The following TMPO variants were observed in gnomAD, a reference collection of about 807,000 sequenced individuals.
TMPO encodes the protein thymopoietin.
Under a neutral mutation model 45.4 loss-of-function variants are expected in TMPO, and 22 were observed. The ratio of observed to expected loss-of-function variants is 0.48; its 90% CI spans 0.35 to 0.69. The LOEUF (loss-of-function observed/expected upper bound fraction) is 0.69, where lower values mean the gene tolerates loss of function less well. Ranked by LOEUF, TMPO falls within the 30% of genes least tolerant of loss-of-function variation. TMPO has a pLI of 0.01. For missense variants in TMPO, 512 were observed against 548.8 expected (o/e 0.93, Z 0.67); for synonymous variants, 241 against 204.1 (o/e 1.18, Z -1.54).
At chr12:98,521,328 G>A (rs1450270164) in intron 1 of TMPO, among the ~76,000 whole-genome samples, 1 of 151,698 alleles carries the variant, frequency 6.6e-6, no homozygotes, top group African/African-American at 2.4e-5. Context: ...TAGCCAGGAT[G>A]GTCTGGATCT....
chr12:98,530,895 G>A (rs80354400), intron 2 of TMPO, among the ~76,000 whole-genome samples: 1,758 of 152,308 alleles, frequency 0.012, 33 homozygotes, highest in African/African-American at 0.04. Flanking sequence ...CTATAGAAAG[G>A]CCTGTATTAA....
At chr12:98,535,341 A>G in intron 3 of TMPO, 1 of 984,546 alleles carries the variant, frequency 1.0e-6, no homozygotes, top group Non-Finnish European at 1.2e-6. Flanking sequence ...AAAGCAGTGT[A>G]TTATCATGTT....
rs775226086 is a variant in TMPO, at chr12:98,537,461, A to C, written c.566-14A>C. On this transcript the variant is annotated splice_polypyrimidine_tract_variant and intron_variant, in intron 3 of 8. Coordinates refer to ENST00000556029, the MANE Select transcript of TMPO (RefSeq NM_001032283.3). ...TGTTTCAGAGAGTAATGGTTTCTCCAATGTTATTTCCAGACTCTAAAATAG... is the reference window on the plus strand; with the variant it reads ...TGTTTCAGAGAGTAATGGTTTCTCCCATGTTATTTCCAGACTCTAAAATAG... The C allele has an allele frequency of 1.9e-6, 3 of 1,594,222 alleles. No individual in the cohort carries two copies. Among genetic ancestry groups the C allele is most frequent in the Non-Finnish European group, 2.6e-6 (3 of 1,163,082 alleles).
chr12:98,539,295 G>A (rs917627070), intron 4 of TMPO, among the ~76,000 whole-genome samples: 3 of 152,006 alleles, frequency 2.0e-5, no homozygotes, highest in Non-Finnish European at 4.4e-5. Flanking sequence ...AATAGTCAAA[G>A]GAGTGTAGGT....
chr12:98,518,667 C>T (rs1365475132), intron 1 of TMPO, among the ~76,000 whole-genome samples: 1 of 151,858 alleles, frequency 6.6e-6, no homozygotes, highest in Non-Finnish European at 1.5e-5. Context: ...TTTATGTCCC[C>T]ATCTACCTTG....
intron 4 of TMPO, among the ~76,000 whole-genome samples, chr12:98,539,588 T>C (rs1455429716): frequency 1.3e-5 from 2 of 151,274 alleles, no homozygotes; most frequent in South Asian, 2.1e-4. Flanking sequence ...GTTCTCCTGC[T>C]TCAGCCTCCT....
intron 4 of TMPO, among the ~76,000 whole-genome samples, chr12:98,538,298 A>G (rs1360229702): frequency 3.9e-5 from 6 of 152,122 alleles, no homozygotes; most frequent in Non-Finnish European, 5.9e-5. Flanking sequence ...TACCCCTGCT[A>G]TGTCTAGCTG....
intron 1 of TMPO, among the ~76,000 whole-genome samples, chr12:98,523,866 G>C (rs1876565044): frequency 6.6e-6 from 1 of 151,992 alleles, no homozygotes; most frequent in African/African-American, 2.4e-5. Context: ...AGTAGAGATG[G>C]GGTTTCACCG....
intron 3 of TMPO, chr12:98,532,776 T>C (rs1877285520): frequency 1.2e-6 from 2 of 1,613,830 alleles, no homozygotes; most frequent in Non-Finnish European, 1.7e-6. Context: ...TAAAATCAGC[T>C]CAAACACAGG....
Position 98,528,009 on chromosome 12 carries a change from G to C in TMPO, c.403G>C (p.Val135Leu). The C allele has an allele frequency of 6.2e-7, 1 of 1,613,844 alleles. No homozygotes were observed. Among genetic ancestry groups the C allele is most frequent in the Non-Finnish European group, 8.5e-7 (1 of 1,179,874 alleles). ...ATACGGAGTGAATCCTGGTCCTATT[G>C]TGGGTAAGTTGATAAAATTTCAAAT... is the stretch of plus-strand genomic sequence containing the variant. Reference protein sequence around the residue: ...VKYGVNPGPIVGTTRKLYEKK... With the variant: ...VKYGVNPGPILGTTRKLYEKK... The change falls in exon 2 of 9, where the codon GTG (valine) becomes CTG (leucine). Residue 135 changes from valine (V) to leucine (L), a missense_variant. Around this residue, in one of 3 missense-constraint regions of TMPO, gnomAD observed 299 missense variants for 296.7 expected, o/e 1.01. Coordinates refer to ENST00000556029, the MANE Select transcript of TMPO (RefSeq NM_001032283.3).
intron 8 of TMPO, among the ~76,000 whole-genome samples, chr12:98,546,893 C>T (rs1055918500): frequency 3.9e-5 from 6 of 152,084 alleles, no homozygotes; most frequent in African/African-American, 1.4e-4. Context: ...CCCTAAGTTT[C>T]TCTTTTCTAA....
chr12:98,515,984 G>T lies in TMPO; in HGVS notation c.117G>T (p.Gln39His). 6.2e-7 allele frequency: 1 copy of T among 1,612,826 alleles called. No homozygotes were observed. Among genetic ancestry groups the T allele is most frequent in the East Asian group, 2.2e-5 (1 of 44,862 alleles). ...AGCAGCGCAAAGACGTGTACGTCCA[G>T]CTCTACCTGCAGCACCTCACGGCTC... ...AGEQRKDVYVQLYLQHLTARN... is the reference protein window; with the variant it reads ...AGEQRKDVYVHLYLQHLTARN... Residue 39 changes from glutamine to histidine, a missense_variant, in exon 1 of 9, where the codon CAG becomes CAT. By Grantham distance (24) the Gln-to-His change is conservative. This residue lies in a region of TMPO where 299 missense variants were observed against 296.7 expected (regional missense o/e 1.01). Coordinates refer to ENST00000556029, the MANE Select transcript of TMPO (RefSeq NM_001032283.3).
chr12:98,516,358 G>A, intron 1 of TMPO: 1 of 1,218,966 alleles, frequency 8.2e-7, no homozygotes, highest in Non-Finnish European at 1.0e-6. Context: ...CGCGTTCTTT[G>A]ACGTGTGGGT....
intron 2 of TMPO, among the ~76,000 whole-genome samples, chr12:98,529,054 ATTT>A (rs531249192): frequency 2.1e-5 from 3 of 139,960 alleles, no homozygotes; most frequent in Non-Finnish European, 4.6e-5. Context: ...CTAGTACCCT[ATTT>A]TTTTTTTTTT....
intron 3 of TMPO, among the ~76,000 whole-genome samples, chr12:98,536,934 A>G (rs1370504464): frequency 1.3e-5 from 2 of 152,172 alleles, no homozygotes; most frequent in Non-Finnish European, 2.9e-5. Context: ...TTATAACTAC[A>G]TCAAAAAAGC....
Position 98,533,509 on chromosome 12 carries a change from C to G in TMPO, c.565+1671C>G. The G allele has an allele frequency of 1.2e-6, 2 of 1,614,110 alleles. No individual in the cohort carries two copies. On this transcript the variant is annotated intron_variant, in intron 3 of 8. Coordinates refer to ENST00000556029, the MANE Select transcript of TMPO (RefSeq NM_001032283.3). ...GAAGAGAATTGATCAGTCTAAGTTT[C>G]AAGAAACTGAATTCCTGTCTCCTCC...
At chr12:98,520,965 A>G (rs1357048684) in intron 1 of TMPO, among the ~76,000 whole-genome samples, 1 of 152,146 alleles carries the variant, frequency 6.6e-6, no homozygotes, top group Non-Finnish European at 1.5e-5. Flanking sequence ...TATAGGAGAA[A>G]GCCAAATTAT....
At chr12:98,531,547 A>ATTT in intron 2 of TMPO, 133 bp from the exon 3 acceptor site, 1 of 777,690 alleles carries the variant, frequency 1.3e-6, no homozygotes, top group South Asian at 2.0e-5. Context: ...ATTATATGGT[A>ATTT]TTTTTTTTTT....
At chr12:98,526,993 T>C (rs1002071937) in intron 1 of TMPO, among the ~76,000 whole-genome samples, 1 of 151,828 alleles carries the variant, frequency 6.6e-6, no homozygotes, top group Admixed American at 6.6e-5. Flanking sequence ...ATCATTTCTA[T>C]ATATGTATCT....
Sources: allele counts gnomAD v4.1 joint callset (sites outside exome capture counted in the v4.1 genomes callset), GRCh38; gene constraint gnomAD v4.1.1; regional missense constraint gnomAD v4.1.1; transcripts MANE v1.5; gene names NCBI Gene and HGNC (gene_info 2026-07-23, HGNC 2026-07-21).